The following LRRC18 variants were observed in gnomAD, a reference collection of about 807,000 sequenced individuals.
LRRC18 encodes the protein leucine rich repeat containing 18, also known as leucine-rich repeat-containing protein 18.
LRRC18 carries 12 observed loss-of-function variants against 11.2 expected under a neutral mutation model. The observed-to-expected ratio is 1.07, with a 90% CI of 0.69 to 1.74. LRRC18 has a LOEUF of 1.74. Ranked by LOEUF, LRRC18 falls within the 40% of genes most tolerant of loss-of-function variation. LRRC18 has a pLI of 0.00. For missense variants in LRRC18, 374 were observed against 330.5 expected (o/e 1.13, Z -1.02); for synonymous variants, 155 against 130.6 (o/e 1.19, Z -1.27).
chr10:48,914,356 G>A (rs1041223331), upstream of LRRC18: 2 of 598,094 alleles, frequency 3.3e-6, no homozygotes, highest in Admixed American at 6.1e-5. Flanking sequence ...GAGAAGTCAG[G>A]GCAAAGTGGA....
the LRRC18 span, among the ~76,000 whole-genome samples, chr10:48,936,384 G>C: frequency 6.6e-6 from 1 of 151,738 alleles, no homozygotes; most frequent in Admixed American, 6.6e-5. Context: ...CTACTACCCA[G>C]TATACTTCTA....
the LRRC18 span, among the ~76,000 whole-genome samples, chr10:48,931,453 C>T: frequency 6.6e-6 from 1 of 152,208 alleles, no homozygotes; most frequent in Non-Finnish European, 1.5e-5. Flanking sequence ...CTCAGCCAGC[C>T]ACAGAGGGCC....
chr10:48,934,118 C>A, the LRRC18 span, among the ~76,000 whole-genome samples: 2 of 152,164 alleles, frequency 1.3e-5, no homozygotes, highest in East Asian at 1.9e-4. Flanking sequence ...TCCTCCTAGA[C>A]GTGTGACTTT....
the LRRC18 span, among the ~76,000 whole-genome samples, chr10:48,922,576 C>T: frequency 1.3e-5 from 2 of 152,104 alleles, no homozygotes; most frequent in Admixed American, 1.3e-4. Context: ...GTGCCTAACT[C>T]GTAAATTAAA....
At chr10:48,919,336 C>T in the LRRC18 span, among the ~76,000 whole-genome samples, 13 of 152,140 alleles carry the variant, frequency 8.5e-5, no homozygotes, top group South Asian at 1.5e-3. Flanking sequence ...TAAATATTTG[C>T]GAAGGAATGA....
intron 1 of LRRC18, among the ~76,000 whole-genome samples, chr10:48,910,508 C>T (rs761962145): frequency 6.6e-6 from 1 of 152,142 alleles, no homozygotes; most frequent in Non-Finnish European, 1.5e-5. Context: ...GAAGGAACAC[C>T]AACATCAAAC....
At chr10:48,929,177 G>C in the LRRC18 span, among the ~76,000 whole-genome samples, 2 of 152,060 alleles carry the variant, frequency 1.3e-5, no homozygotes, top group African/African-American at 2.4e-5. Context: ...GAAACATCAA[G>C]TGGAAAAGTC....
At chr10:48,921,058 A>C in the LRRC18 span, among the ~76,000 whole-genome samples, 1 of 152,228 alleles carries the variant, frequency 6.6e-6, no homozygotes, top group Non-Finnish European at 1.5e-5. Flanking sequence ...ACTTAATGTC[A>C]ACTCTCCCCA....
chr10:48,930,813 A>C, the LRRC18 span, among the ~76,000 whole-genome samples: 1 of 152,202 alleles, frequency 6.6e-6, no homozygotes, highest in Non-Finnish European at 1.5e-5. Flanking sequence ...TTTCCCAAAA[A>C]TGTCAAAAGG....
exon 2 of LRRC18, chr10:48,910,194 ATTC>A: frequency 1.1e-6 from 1 of 894,134 alleles, no homozygotes; most frequent in Non-Finnish European, 1.8e-6. Context: ...AGAGTCGTTT[ATTC>A]TGTTAGCTGA....
chr10:48,910,816 C>G (rs1419519558), intron 1 of LRRC18: 2 of 682,074 alleles, frequency 2.9e-6, no homozygotes, highest in Non-Finnish European at 3.6e-6. Flanking sequence ...TGTTGAGGAC[C>G]AAGCATGGCA....
the LRRC18 span, among the ~76,000 whole-genome samples, chr10:48,924,499 G>T: frequency 6.6e-6 from 1 of 152,362 alleles, no homozygotes; most frequent in Admixed American, 6.5e-5. Flanking sequence ...TGGGCGAATA[G>T]ACAGACGAAT....
upstream of LRRC18, among the ~76,000 whole-genome samples, chr10:48,917,658 GCAA>G (rs1838675454): frequency 6.6e-6 from 1 of 152,160 alleles, no homozygotes; most frequent in Non-Finnish European, 1.5e-5. Flanking sequence ...ATAAATGAAG[GCAA>G]AATAAAGACA....
chr10:48,938,105 C>A, the LRRC18 span, among the ~76,000 whole-genome samples: 1 of 152,224 alleles, frequency 6.6e-6, no homozygotes, highest in African/African-American at 2.4e-5. Context: ...TTGTGGCTTG[C>A]GTATGCCTAG....
exon 2 of LRRC18, chr10:48,910,072 G>A (rs1837859642): frequency 1.5e-6 from 1 of 650,046 alleles, no homozygotes; most frequent in Non-Finnish European, 2.8e-6. Flanking sequence ...GCTAAGGGAG[G>A]TGAAGTGAAT....
chr10:48,934,331 A>G, the LRRC18 span, among the ~76,000 whole-genome samples: 1 of 152,186 alleles, frequency 6.6e-6, no homozygotes, highest in Non-Finnish European at 1.5e-5. Flanking sequence ...TGGACCACCC[A>G]CTATAGGCCA....
the LRRC18 span, among the ~76,000 whole-genome samples, chr10:48,926,819 A>T: frequency 6.6e-6 from 1 of 152,236 alleles, no homozygotes; most frequent in Non-Finnish European, 1.5e-5. Context: ...ACATAATGCC[A>T]CGAGCCAGTT....
exon 1 of LRRC18, chr10:48,913,568 C>T (rs772132470): frequency 6.2e-7 from 1 of 1,614,044 alleles, no homozygotes; most frequent in South Asian, 1.1e-5. Flanking sequence ...CATACAAGTT[C>T]TCCAGCCTCC....
At chr10:48,922,569 C>T in the LRRC18 span, among the ~76,000 whole-genome samples, 1 of 152,128 alleles carries the variant, frequency 6.6e-6, no homozygotes, top group African/African-American at 2.4e-5. Flanking sequence ...TCTTACGGTG[C>T]CTAACTCGTA....
Sources: allele counts gnomAD v4.1 joint callset (sites outside exome capture counted in the v4.1 genomes callset), GRCh38; gene constraint gnomAD v4.1.1; transcripts MANE v1.5; gene names NCBI Gene and HGNC (gene_info 2026-07-23, HGNC 2026-07-21).